The following MTTP variants were observed in gnomAD, a reference collection of about 807,000 sequenced individuals.
The protein encoded by MTTP is microsomal triglyceride transfer protein.
Under a neutral mutation model 90.6 loss-of-function variants are expected in MTTP, and 49 were observed. The observed-to-expected ratio is 0.54, with a 90% CI of 0.43 to 0.69. The LOEUF (loss-of-function observed/expected upper bound fraction) is 0.69, where lower values mean the gene tolerates loss of function less well. MTTP is among the 30% of genes least tolerant of loss of function. The pLI, the probability that MTTP is intolerant of heterozygous loss-of-function variation, is 0.00. For missense variants in MTTP, 945 were observed against 1,067.5 expected, an observed-to-expected ratio of 0.89 and a Z score of 1.60; for synonymous variants, 347 against 384.2, an observed-to-expected ratio of 0.90 and a Z score of 1.13.
chr4:99,571,869 G>T (rs1724849405), upstream of MTTP, among the ~76,000 whole-genome samples: 1 of 151,714 alleles, frequency 6.6e-6, no homozygotes, highest in Non-Finnish European at 1.5e-5. Context: ...ACCATGTAGG[G>T]ATAACTTAAA....
At chr4:99,591,094 T>C in intron 4 of MTTP, 141 bp from the exon 5 acceptor site, 1 of 703,432 alleles carries the variant, frequency 1.4e-6, no homozygotes, top group Non-Finnish European at 2.6e-6. Context: ...ACCTTGTTCT[T>C]GTCTTTGTAT....
At chr4:99,601,390 C>T (rs1186444525) in intron 9 of MTTP, among the ~76,000 whole-genome samples, 2 of 132,360 alleles carry the variant, frequency 1.5e-5, no homozygotes, top group Non-Finnish European at 3.3e-5. Context: ...GTTAAGAATT[C>T]CCTGTACCAC....
At position 99,575,837 on chromosome 4, in the gene MTTP, C is replaced by T. The variant is rs1724942943; in HGVS notation, c.61+867C>T. Among the ~76,000 whole-genome samples the T allele has an allele frequency of 2.0e-5, 3 of 152,208 alleles. No individual in the cohort carries two copies. The South Asian group carries it at 6.2e-4, about 32-fold the overall frequency. On this transcript the variant is annotated intron_variant, in intron 1 of 17. Transcript: ENST00000265517. ...AAAACCAATTGATATAACAACATAG[C>T]GTTATAGGGACCAATTTTAAAACCA...
chr4:99,612,918 T>A lies in MTTP; in HGVS notation c.1995T>A (p.Val665=), dbSNP rs2110233087. 2 of 1,613,794 alleles carry A rather than the reference T, an allele frequency of 1.2e-6. No homozygotes were observed. The highest frequency in any genetic ancestry group is 1.7e-6 in the Non-Finnish European group (2 of 1,179,736). Residue 665 remains valine (V), a synonymous_variant, in exon 15 of 18, where the codon GTT becomes GTA. Transcript: ENST00000265517. ...ATTATATTGATTTTATCCAGGTGGT[T>A]ATTGAAGCCCAAGGACTGGAAGCCT... ...GKAGLHGSQV[V]IEAQGLEALI... is the part of the protein sequence containing the mutation.
chr4:99,612,000 C>T (rs958188733), intron 14 of MTTP, among the ~76,000 whole-genome samples: 2 of 152,086 alleles, frequency 1.3e-5, no homozygotes, highest in African/African-American at 4.8e-5. Context: ...GACTTCCATC[C>T]CTTTAGTGTT....
intron 4 of MTTP, among the ~76,000 whole-genome samples, chr4:99,591,030 G>A (rs900161724): frequency 8.5e-5 from 13 of 152,072 alleles, no homozygotes; most frequent in Non-Finnish European, 1.9e-4. Context: ...ATGAGAAGGC[G>A]CTATTAAGAC....
intron 8 of MTTP, 91 bp from the exon 9 acceptor site, chr4:99,600,474 C>T: frequency 7.5e-7 from 1 of 1,337,248 alleles, no homozygotes; most frequent in Admixed American, 1.7e-5. Context: ...CTTGAGAAAA[C>T]TCAAACCAAT....
chr4:99,581,511 A>G (rs1309681948), intron 1 of MTTP, among the ~76,000 whole-genome samples: 1 of 152,212 alleles, frequency 6.6e-6, no homozygotes, highest in Non-Finnish European at 1.5e-5. Context: ...TTGCATTTAA[A>G]TAATACGTTA....
At chr4:99,592,780 A>T (rs1725463363) in intron 6 of MTTP, among the ~76,000 whole-genome samples, 1 of 152,152 alleles carries the variant, frequency 6.6e-6, no homozygotes, top group South Asian at 2.1e-4. Context: ...CTTACAGTTA[A>T]TTTTTTTAAT....
Position 99,576,471 on chromosome 4 carries a change from G to A in MTTP, c.61+1501G>A, listed in dbSNP as rs935656589. Among the ~76,000 whole-genome samples, 7 of 151,688 alleles carry A rather than the reference G, an allele frequency of 4.6e-5. No homozygotes were observed. The East Asian group carries it at 5.8e-4, about 13-fold the overall frequency. On this transcript the variant is annotated intron_variant, in intron 1 of 17. Coordinates refer to ENST00000265517, the MANE Select transcript of MTTP (RefSeq NM_001386140.1). ...AGCACTTTGGGAGGCCGAGGCGGGC[G>A]GATCACGAGGTCAGGAGATCGAGAC...
upstream of MTTP, among the ~76,000 whole-genome samples, chr4:99,572,127 TC>T (rs1724854385): frequency 6.6e-6 from 1 of 151,960 alleles, no homozygotes; most frequent in African/African-American, 2.4e-5. Flanking sequence ...TTGGAATTAA[TC>T]ATCCATCTTT....
In MTTP at chr4:99,591,658, G is replaced by T. The variant is rs759057966; in HGVS notation, c.626G>T (p.Gly209Val). Residue 209 changes from glycine (G) to valine (V), a missense_variant, in exon 6 of 18, where the codon GGT becomes GTT. Transcript: ENST00000265517. ...GGCTATTTATTTATTTAGGTCTTGG[G>T]TGTCAGTTCAAAAGCTACATCTGTC... is the stretch of plus-strand genomic sequence containing the variant. ...SGFTTPNQVLGVSSKATSVTT... is the reference protein window; with the variant it reads ...SGFTTPNQVLVVSSKATSVTT... 10 of 1,612,172 alleles carry T rather than the reference G, an allele frequency of 6.2e-6. No individual in the cohort carries two copies. The highest frequency in any genetic ancestry group is 8.5e-6 in the Non-Finnish European group (10 of 1,178,632).
chr4:99,621,640 G>A (rs529585571), intron 17 of MTTP, among the ~76,000 whole-genome samples: 2 of 152,134 alleles, frequency 1.3e-5, no homozygotes, highest in Non-Finnish European at 2.9e-5. Flanking sequence ...CCATGTTTAA[G>A]GGCCAAAATG....
At chr4:99,589,169 G>A (rs1725351408) in intron 3 of MTTP, among the ~76,000 whole-genome samples, 1 of 147,144 alleles carries the variant, frequency 6.8e-6, no homozygotes, top group African/African-American at 2.5e-5. Context: ...CATGCCTGGG[G>A]CCTTGCAATA....
At chr4:99,572,084 A>G (rs1292821213), upstream of MTTP, among the ~76,000 whole-genome samples, 1 of 151,808 alleles carries the variant, frequency 6.6e-6, no homozygotes, top group South Asian at 2.1e-4. Flanking sequence ...ACTCCTGACA[A>G]CCTCTGACAC....
intron 6 of MTTP, among the ~76,000 whole-genome samples, chr4:99,593,852 A>G (rs1447482018): frequency 6.6e-6 from 1 of 152,172 alleles, no homozygotes; most frequent in East Asian, 1.9e-4. Context: ...GGCCTATGAG[A>G]TTTCCATTGC....
intron 14 of MTTP, among the ~76,000 whole-genome samples, chr4:99,611,862 T>C (rs988585584): frequency 1.3e-5 from 2 of 152,214 alleles, no homozygotes; most frequent in Non-Finnish European, 1.5e-5. Context: ...TGGTTGTTTC[T>C]ATGAAGAGAT....
chr4:99,600,766 C>T (rs1725677073), intron 9 of MTTP, 33 bp downstream of exon 9: 1 of 1,598,412 alleles, frequency 6.3e-7, no homozygotes, highest in South Asian at 1.1e-5. Context: ...ACCCTCAACT[C>T]CTATAAAACT....
intron 1 of MTTP, among the ~76,000 whole-genome samples, chr4:99,565,945 T>A (rs976109825): frequency 6.6e-6 from 1 of 152,282 alleles, no homozygotes; most frequent in Non-Finnish European, 1.5e-5. Context: ...CTTGGACAAC[T>A]GTAGGAATGC....
Sources: gnomAD v4.1 joint callset for allele counts (sites outside exome capture counted in the v4.1 genomes callset) on GRCh38, gnomAD v4.1.1 for gene constraint, MANE v1.5 for transcripts, NCBI Gene and HGNC (gene_info 2026-07-23, HGNC 2026-07-21) for gene names.